KIAA1217: variants seen among roughly 807,000 people sequenced by gnomAD.
KIAA1217 encodes the protein KIAA1217.
A neutral mutation model predicts 163.9 loss-of-function variants in KIAA1217; 88 were observed. The observed-to-expected ratio is 0.54, with a 90% confidence interval of 0.45 to 0.64. The LOEUF is 0.64. Ranked by LOEUF, KIAA1217 falls within the 30% of genes least tolerant of loss-of-function variation. The probability of loss-of-function intolerance (pLI) is 0.00; values close to 1 mark genes in which losing one functional copy is unlikely to be tolerated. For missense variants in KIAA1217, 2,372 were observed against 2,475.0 expected, an observed-to-expected ratio of 0.96 and a Z score of 0.88; for synonymous variants, 903 against 923.1, an observed-to-expected ratio of 0.98 and a Z score of 0.39.
chr10:24,186,166 T>A (rs2066420220), intron 2 of KIAA1217, among the ~76,000 whole-genome samples: 1 of 152,144 alleles, frequency 6.6e-6, no homozygotes, highest in South Asian at 2.1e-4. Context: ...GTGGGTTCAG[T>A]CCTAAAAGCA....
chr10:23,776,330 G>A (rs1835004680), intron 1 of KIAA1217, among the ~76,000 whole-genome samples: 1 of 110,252 alleles, frequency 9.1e-6, no homozygotes, highest in Non-Finnish European at 1.8e-5. Context: ...ACTTTGGAGA[G>A]CTATTGGAAA....
chr10:23,787,220 T>C (rs1835532356), intron 1 of KIAA1217, among the ~76,000 whole-genome samples: 1 of 152,166 alleles, frequency 6.6e-6, no homozygotes, highest in African/African-American at 2.4e-5. Flanking sequence ...GTGATTTAAA[T>C]ATGGAGTGTG....
chr10:24,295,796 C>T (rs2040529368), intron 2 of KIAA1217, among the ~76,000 whole-genome samples: 1 of 152,170 alleles, frequency 6.6e-6, no homozygotes, highest in Admixed American at 6.5e-5. Context: ...AAGAAATCAA[C>T]CTAAATGCCA....
At chr10:24,312,146 C>T (rs551391742) in intron 2 of KIAA1217, among the ~76,000 whole-genome samples, 1 of 152,284 alleles carries the variant, frequency 6.6e-6, no homozygotes, top group African/African-American at 2.4e-5. Flanking sequence ...TGCCTGCTCT[C>T]TCCCTGAGCC....
In KIAA1217 at chr10:24,193,801, TACACACACACAC is replaced by T. The variant is rs10562687; in HGVS notation, c.-170-25791_-170-25780del. Among the ~76,000 whole-genome samples the T allele has an allele frequency of 5.0e-3, 714 of 142,376 alleles. 3 individuals carry two copies. Among genetic ancestry groups the T allele is most frequent in the South Asian group, 8.2e-3 (35 of 4,260 alleles). The allele number at this position is 142,376 out of a possible 152,430, so 93.4% of individuals were successfully genotyped here. ...TATGAACTCCATCTGCAGCGTTTTC[TACACACACACAC>T]ACACACACACACACACACACACACA... On this transcript the variant is annotated intron_variant, in intron 2 of 18. Coordinates refer to the KIAA1217 transcript ENST00000376462.
intron 1 of KIAA1217, among the ~76,000 whole-genome samples, chr10:23,894,050 G>GGGA (rs1841554306): frequency 6.6e-6 from 1 of 151,736 alleles, no homozygotes; most frequent in Non-Finnish European, 1.5e-5. Context: ...ATGGGCAAAA[G>GGGA]CTGGAAGCAT....
chr10:24,164,085 G>A (rs1472954471), intron 2 of KIAA1217, among the ~76,000 whole-genome samples: 1 of 152,188 alleles, frequency 6.6e-6, no homozygotes, highest in Non-Finnish European at 1.5e-5. Context: ...GAGTAGACTA[G>A]CAATGGAATG....
At chr10:24,429,108 T>C (rs2059392454) in intron 3 of KIAA1217, among the ~76,000 whole-genome samples, 1 of 152,212 alleles carries the variant, frequency 6.6e-6, no homozygotes, top group African/African-American at 2.4e-5. Flanking sequence ...TGGATAGGTA[T>C]AGACCTAGAT....
chr10:24,005,534 C>A (rs1421321766), intron 1 of KIAA1217, among the ~76,000 whole-genome samples: 1 of 152,126 alleles, frequency 6.6e-6, no homozygotes, highest in Non-Finnish European at 1.5e-5. Flanking sequence ...TCACACTGAC[C>A]TGGGTTCAAA....
At chr10:23,931,218 AATTCTGAGTGATAGGT>A (rs1843239649) in intron 1 of KIAA1217, among the ~76,000 whole-genome samples, 1 of 152,062 alleles carries the variant, frequency 6.6e-6, no homozygotes, top group South Asian at 2.1e-4. Context: ...TTCCTACAAT[AATTCTGAGTGATAGGT>A]ATCAGCATTA....
intron 6 of KIAA1217, chr10:24,482,379 C>T (rs2064828787): frequency 6.6e-6 from 1 of 150,932 alleles, no homozygotes; most frequent in Non-Finnish European, 1.5e-5. Context: ...ATAACTCGGT[C>T]CTTTGCCAAC....
intron 2 of KIAA1217, among the ~76,000 whole-genome samples, chr10:24,099,006 C>T (rs1396721538): frequency 1.3e-5 from 2 of 151,944 alleles, no homozygotes; most frequent in African/African-American, 2.4e-5. Flanking sequence ...CCACTTCAGT[C>T]CACTCACTAA....
At chr10:23,817,451 A>G (rs1486202023) in intron 1 of KIAA1217, among the ~76,000 whole-genome samples, 22 of 152,192 alleles carry the variant, frequency 1.4e-4, no homozygotes, top group Admixed American at 1.4e-3. Flanking sequence ...GAGCTGGGAT[A>G]TACTTCAGGT....
intron 1 of KIAA1217, among the ~76,000 whole-genome samples, chr10:23,860,689 G>A (rs1839909891): frequency 6.6e-6 from 1 of 152,010 alleles, no homozygotes; most frequent in Non-Finnish European, 1.5e-5. Context: ...TAAAGATGAT[G>A]TTAACTGTTA....
At chr10:23,717,849 C>T (rs1158114162) in intron 1 of KIAA1217, among the ~76,000 whole-genome samples, 3 of 152,130 alleles carry the variant, frequency 2.0e-5, no homozygotes, top group Non-Finnish European at 2.9e-5. Flanking sequence ...AAACAAACCA[C>T]TTGTTCAGGA....
At chr10:23,906,275 A>ACAC (rs548957655) in intron 1 of KIAA1217, among the ~76,000 whole-genome samples, 1 of 147,534 alleles carries the variant, frequency 6.8e-6, no homozygotes, top group African/African-American at 2.5e-5. Flanking sequence ...CACACACACA[A>ACAC]AAATACACAT....
chr10:24,263,413 G>A (rs921299432), intron 2 of KIAA1217, among the ~76,000 whole-genome samples: 1 of 152,178 alleles, frequency 6.6e-6, no homozygotes, highest in African/African-American at 2.4e-5. Context: ...GGAAACTCTT[G>A]CAACACCATG....
intron 1 of KIAA1217, among the ~76,000 whole-genome samples, chr10:23,726,084 A>G (rs1400878433): frequency 6.6e-6 from 1 of 152,106 alleles, no homozygotes; most frequent in African/African-American, 2.4e-5. Context: ...TTTTCTTCCT[A>G]CGATTTTAAG....
chr10:24,040,094 C>G (rs1328204794), intron 2 of KIAA1217, among the ~76,000 whole-genome samples: 1 of 152,236 alleles, frequency 6.6e-6, no homozygotes, highest in Non-Finnish European at 1.5e-5. Flanking sequence ...TGCAGTCACA[C>G]TTCTTTCCTG....
Sources: gnomAD v4.1 joint callset for allele counts (sites outside exome capture counted in the v4.1 genomes callset) on GRCh38, gnomAD v4.1.1 for gene constraint, MANE v1.5 for transcripts, NCBI Gene and HGNC (gene_info 2026-07-23, HGNC 2026-07-21) for gene names.